PACSIN1: variants seen among roughly 807,000 people sequenced by gnomAD.
PACSIN1 encodes the protein protein kinase C and casein kinase substrate in neurons 1.
In PACSIN1, 15 loss-of-function variants were observed where a neutral mutation model predicts 59.5. That is an observed-to-expected ratio of 0.25 (90% CI 0.17 to 0.39). The LOEUF is 0.39. Among genes scored for constraint, PACSIN1 ranks in the 10% least tolerant of loss-of-function variants. The pLI is 1.00. For synonymous variants in PACSIN1, 210 were observed against 220.6 expected (o/e 0.95, Z 0.42); for missense variants, 420 against 580.2 (o/e 0.72, Z 2.84).
At chr6:34,526,218 A>G (rs1417389438) in intron 1 of PACSIN1, 25 bp from the exon 2 acceptor site, 21 of 1,131,428 alleles carry the variant, frequency 1.9e-5, no homozygotes. Flanking sequence ...CCTCATCTCC[A>G]GGGATCTCTC....
Position 34,532,486 on chromosome 6 carries a change from G to T in PACSIN1, c.1291G>T (p.Gly431Trp). 6.4e-7 allele frequency: 1 copy of T among 1,568,612 alleles called. No homozygotes were observed. Among genetic ancestry groups the T allele is most frequent in the Non-Finnish European group, 8.6e-7 (1 of 1,156,326 alleles). Residue 431 changes from glycine (G) to tryptophan (W), a missense_variant, in exon 10 of 10, where the codon GGG becomes TGG. By Grantham distance (184) the Gly-to-Trp change is radical. Transcript: ENST00000244458. The surrounding 1 kb of genome is among the most constrained non-coding windows in gnomAD (Gnocchi z 5.2). ...CTGGTGCCGTGGGCGGCTGGACAGC[G>T]GGCAGCTGGGCCTCTACCCTGCCAA... is the stretch of plus-strand genomic sequence containing the variant. ...QGWCRGRLDS[G>W]QLGLYPANYV...
chr6:34,501,760 G>A lies in PACSIN1; in HGVS notation c.-63-24483G>A, dbSNP rs188425163. Among the ~76,000 whole-genome samples the A allele has an allele frequency of 6.4e-4, 98 of 152,212 alleles. 1 individual carries two copies. The highest frequency in any genetic ancestry group is 5.6e-3 in the Admixed American group (85 of 15,292). On this transcript the variant is annotated intron_variant, in intron 1 of 9. Transcript: ENST00000244458. ...AAAAAATGCTAATTTGGCTGGGTGC[G>A]GTGGCTCACGCCTGTAATCCAGCAC...
At chr6:34,509,555 T>C (rs1240501191) in intron 1 of PACSIN1, among the ~76,000 whole-genome samples, 1 of 152,152 alleles carries the variant, frequency 6.6e-6, no homozygotes, top group African/African-American at 2.4e-5. Context: ...TGGGGACCTT[T>C]GTGGTTCCTA....
Position 34,532,721 on chromosome 6 carries a change from G to C in PACSIN1, c.*191G>C, listed in dbSNP as rs1396984820. On this transcript the variant is annotated 3_prime_UTR_variant, in exon 10 of 10. Transcript: ENST00000244458. This position sits in a 1 kb window ranked among gnomAD's most constrained non-coding sequence, Gnocchi z 5.2. ...TTTGCAGGGCCACCTGGAGGCTGGG[G>C]TGCTGGGGCTTGGGGTGGCCCCAGG... 1 of 575,758 alleles carries C rather than the reference G, an allele frequency of 1.7e-6. No individual in the cohort carries two copies. Among genetic ancestry groups the C allele is most frequent in the Non-Finnish European group, 3.1e-6 (1 of 321,666 alleles). 35.7% of individuals were successfully genotyped at this position (575,758 alleles called of 1,614,324 possible).
chr6:34,484,606 G>A (rs537761409), intron 1 of PACSIN1, among the ~76,000 whole-genome samples: 2 of 151,936 alleles, frequency 1.3e-5, no homozygotes, highest in East Asian at 3.9e-4. Flanking sequence ...TATGGACTCT[G>A]GGTGATAATG....
chr6:34,471,880 G>T (rs1766575462), intron 1 of PACSIN1, among the ~76,000 whole-genome samples: 1 of 152,216 alleles, frequency 6.6e-6, no homozygotes, highest in African/African-American at 2.4e-5. Flanking sequence ...TCGGGCAGTT[G>T]TTCGTTCTGG....
In PACSIN1 at chr6:34,529,458, G is replaced by C; in HGVS notation, c.518G>C (p.Arg173Pro). The change falls in exon 5 of 10, where the codon CGG becomes CCG. Residue 173 changes from arginine to proline, a missense_variant. By Grantham distance (103) the Arg-to-Pro change is moderately radical (BLOSUM62 -2). Coordinates refer to ENST00000244458, the MANE Select transcript of PACSIN1 (RefSeq NM_020804.5). The surrounding 1 kb of genome is among the most constrained non-coding windows in gnomAD (Gnocchi z 6.3). ...AAAGAGGAAAAGCTGGCCATGACACGGGAGATGAACAGCAAGACGGAGCAA... is the reference window on the plus strand; with the variant it reads ...AAAGAGGAAAAGCTGGCCATGACACCGGAGATGAACAGCAAGACGGAGCAA... Reference protein sequence around the residue: ...ACKEEKLAMTREMNSKTEQSV... With the variant: ...ACKEEKLAMTPEMNSKTEQSV... 2 of 1,614,132 alleles carry C rather than the reference G, an allele frequency of 1.2e-6. No homozygotes were observed. Among genetic ancestry groups the C allele is most frequent in the Non-Finnish European group, 1.7e-6 (2 of 1,180,040 alleles).
In PACSIN1 at chr6:34,529,619, T is replaced by C; in HGVS notation, c.613-47T>C. 1.2e-6 allele frequency: 2 copies of C among 1,612,346 alleles called. No homozygotes were observed. The highest frequency in any genetic ancestry group is 1.7e-6 in the Non-Finnish European group (2 of 1,178,616). On this transcript the variant is annotated intron_variant, in intron 5 of 9. Coordinates refer to ENST00000244458, the MANE Select transcript of PACSIN1 (RefSeq NM_020804.5). This position sits in a 1 kb window ranked among gnomAD's most constrained non-coding sequence, Gnocchi z 6.3. Reference sequence around the variant, plus strand: ...CTTGCAGAGGGTGGTGGCTGGGAGCTGCAGGCCTGGCTAGGTGTCACCCTC... The same window carrying C: ...CTTGCAGAGGGTGGTGGCTGGGAGCCGCAGGCCTGGCTAGGTGTCACCCTC...
chr6:34,508,270 A>C (rs901133453), intron 1 of PACSIN1, among the ~76,000 whole-genome samples: 4 of 151,996 alleles, frequency 2.6e-5, no homozygotes, highest in African/African-American at 9.7e-5. Context: ...CACCTGGCCA[A>C]TTTTTTGTAT....
chr6:34,505,778 G>T (rs1229605047), intron 1 of PACSIN1, among the ~76,000 whole-genome samples: 1 of 151,808 alleles, frequency 6.6e-6, no homozygotes, highest in Non-Finnish European at 1.5e-5. Flanking sequence ...GATTACAGGT[G>T]TGCACCAACA....
rs1767649218 is a variant in PACSIN1, at chr6:34,533,964, GGAA to G, written c.*1438_*1440del. On this transcript the variant is annotated 3_prime_UTR_variant, in exon 10 of 10. Transcript: ENST00000244458. ...CAAAACCCCATGAGGGCGGGGAGCT[GGAA>G]GAAAAGTCTCTTGGGGACCTCTGGG... 1 of 152,394 alleles carries G rather than the reference GGAA, an allele frequency of 6.6e-6. No homozygotes were observed. The highest frequency in any genetic ancestry group is 2.4e-5 in the African/African-American group (1 of 41,440). 9.4% of individuals were successfully genotyped at this position (152,394 alleles called of 1,614,324 possible).
rs1235646291 is a variant in PACSIN1, at chr6:34,516,252, G to A, written c.-63-9991G>A. On this transcript the variant is annotated intron_variant, in intron 1 of 9. Transcript: ENST00000244458. The surrounding 1 kb of genome is among the most constrained non-coding windows in gnomAD (Gnocchi z 5.4). ...AGGGGCTGAGGAGGGGTCACATGAT[G>A]GGTAGGGGCATACACGCTGAGAAGC... Among the ~76,000 whole-genome samples, 2 of 152,160 alleles carry A rather than the reference G, an allele frequency of 1.3e-5. No homozygotes were observed. The highest frequency in any genetic ancestry group is 6.5e-5 in the Admixed American group (1 of 15,288).
Position 34,530,260 on chromosome 6 carries a change from G to A in PACSIN1, c.806G>A (p.Arg269His), listed in dbSNP as rs1170437648. ...GAGCACAGCTACATCCATGTGTACC[G>A]TGAGCTGGAGCAGGCCATCCGGGGG... ...AENSSYIHVY[R>H]ELEQAIRGAD... The change falls in exon 7 of 10, where the codon CGT (arginine) becomes CAT (histidine). Residue 269 changes from arginine to histidine, a missense_variant. Physicochemically the swap from Arg to His is conservative, Grantham distance 29. Transcript: ENST00000244458. This position sits in a 1 kb window ranked among gnomAD's most constrained non-coding sequence, Gnocchi z 4.4. The A allele has an allele frequency of 9.9e-6, 16 of 1,613,726 alleles. No individual in the cohort carries two copies. Among genetic ancestry groups the A allele is most frequent in the Non-Finnish European group, 1.4e-5 (16 of 1,179,848 alleles).
In PACSIN1 at chr6:34,521,001, G is replaced by A. The variant is rs535678598; in HGVS notation, c.-63-5242G>A. On this transcript the variant is annotated intron_variant, in intron 1 of 9. Coordinates refer to ENST00000244458, the MANE Select transcript of PACSIN1 (RefSeq NM_020804.5). The surrounding 1 kb of genome is among the most constrained non-coding windows in gnomAD (Gnocchi z 4.3). Reference sequence around the variant, plus strand: ...CATTTCTGCTGTTTATTAAGTGAATGTTAGAAGGTCCTTGGCATTTATTCA... The same window carrying A: ...CATTTCTGCTGTTTATTAAGTGAATATTAGAAGGTCCTTGGCATTTATTCA... Among the ~76,000 whole-genome samples, 1 of 152,328 alleles carries A rather than the reference G, an allele frequency of 6.6e-6. No homozygotes were observed. Among genetic ancestry groups the A allele is most frequent in the African/African-American group, 2.4e-5 (1 of 41,564 alleles).
rs1352219287 is a variant in PACSIN1, at chr6:34,518,032, G to C, written c.-63-8211G>C. 1.3e-5 allele frequency among the ~76,000 whole-genome samples: 2 copies of C among 152,196 alleles called. No individual in the cohort carries two copies. Among genetic ancestry groups the C allele is most frequent in the African/African-American group, 2.4e-5 (1 of 41,454 alleles). Reference sequence around the variant, plus strand: ...GGGAAGATGATGCCCACCTACCTGAGCCATTGCCTCAGGGACATTGGGTTG... The same window carrying C: ...GGGAAGATGATGCCCACCTACCTGACCCATTGCCTCAGGGACATTGGGTTG... On this transcript the variant is annotated intron_variant, in intron 1 of 9. Coordinates refer to ENST00000244458, the MANE Select transcript of PACSIN1 (RefSeq NM_020804.5). The surrounding 1 kb of genome is among the most constrained non-coding windows in gnomAD (Gnocchi z 4.4).
At position 34,525,854 on chromosome 6, in the gene PACSIN1, G is replaced by A. The variant is rs1440912913; in HGVS notation, c.-63-389G>A. Among the ~76,000 whole-genome samples the A allele has an allele frequency of 6.6e-6, 1 of 152,184 alleles. No homozygotes were observed. The highest frequency in any genetic ancestry group is 1.5e-5 in the Non-Finnish European group (1 of 68,026). On this transcript the variant is annotated intron_variant, in intron 1 of 9. Coordinates refer to ENST00000244458, the MANE Select transcript of PACSIN1 (RefSeq NM_020804.5). The surrounding 1 kb of genome is among the most constrained non-coding windows in gnomAD (Gnocchi z 4.9). ...GACTTGTAAGAAGCTAATGGGGGCT[G>A]CTGAGGTTGGGAGCAAGGGCAGACA...
chr6:34,508,316 G>A (rs948341489), intron 1 of PACSIN1, among the ~76,000 whole-genome samples: 1 of 152,184 alleles, frequency 6.6e-6, no homozygotes, highest in Non-Finnish European at 1.5e-5. Flanking sequence ...TGTTGGCCAG[G>A]CTGTTCTCGA....
intron 1 of PACSIN1, among the ~76,000 whole-genome samples, chr6:34,503,945 T>C (rs1767065186): frequency 6.6e-6 from 1 of 152,174 alleles, no homozygotes; most frequent in African/African-American, 2.4e-5. Context: ...TCTCTATGAA[T>C]TTAGATTTGC....
chr6:34,489,776 A>G lies in PACSIN1; in HGVS notation c.-64+23506A>G, dbSNP rs532894471. ...CGATGCCTCTTTGGGTCCCCAGACC[A>G]ATGTCCATGTGGACCCTATGTCTGA... is the stretch of plus-strand genomic sequence containing the variant. On this transcript the variant is annotated intron_variant, in intron 1 of 9. Transcript: ENST00000244458. 4.6e-5 allele frequency among the ~76,000 whole-genome samples: 7 copies of G among 152,330 alleles called. No homozygotes were observed. The South Asian group carries it at 1.4e-3, about 32-fold the overall frequency.
Sources: gnomAD v4.1 joint callset for allele counts (sites outside exome capture counted in the v4.1 genomes callset) on GRCh38, gnomAD v4.1.1 for gene constraint, Gnocchi (gnomAD v3.1) non-coding constraint, MANE v1.5 for transcripts, NCBI Gene and HGNC (gene_info 2026-07-23, HGNC 2026-07-21) for gene names.